The following MSI2 variants were observed in gnomAD, a reference collection of about 807,000 sequenced individuals.
MSI2 encodes RNA-binding protein Musashi homolog 2.
Under a neutral mutation model 45.6 loss-of-function variants are expected in MSI2, and 17 were observed. That is an observed-to-expected ratio of 0.37 (90% confidence interval 0.26 to 0.56). MSI2 has a LOEUF of 0.56. Among genes scored for constraint, MSI2 ranks in the 20% least tolerant of loss-of-function variants. MSI2 has a pLI of 0.77. For missense variants in MSI2, 293 were observed against 444.2 expected (o/e 0.66, Z 3.06); for synonymous variants, 156 against 158.2 (o/e 0.99, Z 0.11).
chr17:57,344,415 A>G (rs1476112337), intron 5 of MSI2, among the ~76,000 whole-genome samples: 1 of 152,188 alleles, frequency 6.6e-6, no homozygotes, highest in Non-Finnish European at 1.5e-5. Flanking sequence ...GCCGGAGTTT[A>G]TTTTTAAGCA....
intron 6 of MSI2, among the ~76,000 whole-genome samples, chr17:57,482,505 T>C (rs1164879400): frequency 1.3e-5 from 2 of 152,262 alleles, no homozygotes; most frequent in Non-Finnish European, 2.9e-5. Flanking sequence ...TGGCCAAGTC[T>C]GTCATTCGTG....
At chr17:57,276,024 G>T (rs996895215) in intron 5 of MSI2, among the ~76,000 whole-genome samples, 3 of 152,136 alleles carry the variant, frequency 2.0e-5, no homozygotes, top group African/African-American at 4.8e-5. Context: ...TTTGGGAAGG[G>T]CTGTTTAGCA....
At chr17:57,299,728 A>G (rs1015814143) in intron 5 of MSI2, among the ~76,000 whole-genome samples, 1 of 152,184 alleles carries the variant, frequency 6.6e-6, no homozygotes, top group African/African-American at 2.4e-5. Flanking sequence ...ATAATAATGA[A>G]AAAGTTTGAA....
At chr17:57,500,194 A>G (rs2086072063) in intron 6 of MSI2, among the ~76,000 whole-genome samples, 1 of 152,120 alleles carries the variant, frequency 6.6e-6, no homozygotes, top group Admixed American at 6.5e-5. Flanking sequence ...ACAAACTGGA[A>G]ACTCAAAGCC....
chr17:57,654,387 C>T (rs904379750), intron 11 of MSI2, among the ~76,000 whole-genome samples: 2 of 152,258 alleles, frequency 1.3e-5, no homozygotes, highest in Non-Finnish European at 2.9e-5. Context: ...GCCTTTCTTT[C>T]TTTTAACGCA....
At chr17:57,679,275 C>A (rs189835590) in intron 13 of MSI2, among the ~76,000 whole-genome samples, 8 of 152,312 alleles carry the variant, frequency 5.3e-5, no homozygotes. Context: ...CTCAACAACC[C>A]TATGGTACTA....
chr17:57,674,874 C>A, intron 11 of MSI2, 98 bp from the exon 12 acceptor site: 1 of 1,535,244 alleles, frequency 6.5e-7, no homozygotes, highest in Non-Finnish European at 8.8e-7. Context: ...CCGGTGCATG[C>A]CTGGCTTCTG....
intron 5 of MSI2, among the ~76,000 whole-genome samples, chr17:57,313,429 T>G (rs1912577690): frequency 6.6e-6 from 1 of 152,224 alleles, no homozygotes. Context: ...TTGAAGACCT[T>G]TTGTGTATTT....
At chr17:57,696,923 C>T in the MSI2 span, among the ~76,000 whole-genome samples, 1 of 152,088 alleles carries the variant, frequency 6.6e-6, no homozygotes, top group African/African-American at 2.4e-5. Flanking sequence ...TGCATACCTT[C>T]TCTGCTCATT....
chr17:57,360,249 G>A lies in MSI2; in HGVS notation c.313-41130G>A, dbSNP rs897373565. ...TGCTGCCACATGCTCGTGCTTGTGT[G>A]TTTAATTTGTTTATTGGTGGATTTT... On this transcript the variant is annotated intron_variant, in intron 5 of 13. Coordinates refer to ENST00000284073, the MANE Select transcript of MSI2 (RefSeq NM_138962.4). Among the ~76,000 whole-genome samples the A allele has an allele frequency of 2.0e-5, 3 of 152,256 alleles. No homozygotes were observed. The South Asian group carries it at 6.2e-4, about 31-fold the overall frequency.
intron 5 of MSI2, among the ~76,000 whole-genome samples, chr17:57,326,023 G>A (rs1913760193): frequency 6.6e-6 from 1 of 152,030 alleles, no homozygotes; most frequent in Admixed American, 6.6e-5. Context: ...AGTTCAGTGG[G>A]GCTCCCTTTT....
intron 8 of MSI2, among the ~76,000 whole-genome samples, chr17:57,598,511 T>C (rs1369528681): frequency 6.6e-6 from 1 of 152,228 alleles, no homozygotes; most frequent in Non-Finnish European, 1.5e-5. Flanking sequence ...TTTTGCGTAC[T>C]GTATGTTGGA....
chr17:57,284,250 C>T (rs529705499), intron 5 of MSI2, among the ~76,000 whole-genome samples: 2 of 152,234 alleles, frequency 1.3e-5, no homozygotes, highest in South Asian at 4.2e-4. Flanking sequence ...TGACGCCTGG[C>T]TGCAGGGTTT....
At chr17:57,292,751 G>T (rs77816321) in intron 5 of MSI2, among the ~76,000 whole-genome samples, 1 of 152,160 alleles carries the variant, frequency 6.6e-6, no homozygotes, top group African/African-American at 2.4e-5. Context: ...GGAGGGAAAG[G>T]AGCCTTTCTG....
rs572471655 is a variant in MSI2, at chr17:57,551,461, C to T, written c.454+21737C>T. On this transcript the variant is annotated intron_variant, in intron 7 of 13. Coordinates refer to ENST00000284073, the MANE Select transcript of MSI2 (RefSeq NM_138962.4). The stretch of plus-strand genomic sequence containing the variant: ...AGGTGGGTGGAGAAGGCACACAGAC[C>T]GCCGTCTGGGATGAGGTTGCTATTG... Among the ~76,000 whole-genome samples the T allele has an allele frequency of 7.9e-5, 12 of 152,188 alleles. No homozygotes were observed. The South Asian group carries it at 1.7e-3, about 21-fold the overall frequency.
rs1471488221 is a variant in MSI2 at position 57,680,033 on chromosome 17, A to T, written c.*516A>T. On this transcript the variant is annotated 3_prime_UTR_variant, in exon 14 of 14. Transcript: ENST00000284073. ...ATATGACTCTCCATATTTTGGTACC[A>T]ATTCTGAGACTGTATGAATTTTCAG... 1 of 228,390 alleles carries T rather than the reference A, an allele frequency of 4.4e-6. No individual in the cohort carries two copies. Among genetic ancestry groups the T allele is most frequent in the Non-Finnish European group, 8.7e-6 (1 of 115,116 alleles). The allele number at this position is 228,390 out of a possible 1,614,324, so 14.1% of individuals were successfully genotyped here.
Position 57,334,740 on chromosome 17 carries a change from G to A in MSI2, c.313-66639G>A, listed in dbSNP as rs1048930545. Among the ~76,000 whole-genome samples, 2 of 151,804 alleles carry A rather than the reference G, an allele frequency of 1.3e-5. 1 individual carries two copies. Among genetic ancestry groups the A allele is most frequent in the East Asian group, 3.9e-4 (2 of 5,178 alleles). On this transcript the variant is annotated intron_variant, in intron 5 of 13. Transcript: ENST00000284073. Reference sequence around the variant, plus strand: ...ACCCACGAGGCGGAGGTTGCAGTGAGCCAAGATTGTGCCATTGCACTCCAG... The same window carrying A: ...ACCCACGAGGCGGAGGTTGCAGTGAACCAAGATTGTGCCATTGCACTCCAG...
chr17:57,577,288 C>T (rs946625850), intron 7 of MSI2, among the ~76,000 whole-genome samples: 13 of 152,174 alleles, frequency 8.5e-5, no homozygotes, highest in Non-Finnish European at 1.6e-4. Flanking sequence ...TATGAAGTAC[C>T]GAGGGGTGAT....
downstream of MSI2, among the ~76,000 whole-genome samples, chr17:57,686,189 G>C (rs1913875861): frequency 6.6e-6 from 1 of 152,168 alleles, no homozygotes; most frequent in African/African-American, 2.4e-5. Context: ...GTGCCTGGGA[G>C]GGTGGGAGTG....
Sources: gnomAD v4.1 joint callset for allele counts (sites outside exome capture counted in the v4.1 genomes callset) on GRCh38, gnomAD v4.1.1 for gene constraint, MANE v1.5 for transcripts, NCBI Gene and HGNC (gene_info 2026-07-23, HGNC 2026-07-21) for gene names.